Variants in STK32A observed in about 807,000 individuals in gnomAD.
STK32A encodes serine/threonine kinase 32A.
STK32A carries 41 observed loss-of-function variants against 53.2 expected under a neutral mutation model. That is an observed-to-expected ratio of 0.77 (90% CI 0.60 to 1.00). STK32A has a LOEUF of 1.00. Ranked by LOEUF, STK32A falls within the 50% of genes least tolerant of loss-of-function variation. STK32A has a pLI of 0.00. For synonymous variants in STK32A, 166 were observed against 162.8 expected (o/e 1.02, Z -0.15); for missense variants, 458 against 485.8 (o/e 0.94, Z 0.54).
intron 8 of STK32A, among the ~76,000 whole-genome samples, chr5:147,366,119 T>C (rs940931061): frequency 1.3e-5 from 2 of 152,084 alleles, no homozygotes; most frequent in African/African-American, 4.8e-5. Flanking sequence ...AAACTTCAGA[T>C]GTCTTAGCTT....
Position 147,384,039 on chromosome 5 carries a change from T to C in STK32A, c.*56T>C, listed in dbSNP as rs181166591. The C allele has an allele frequency of 2.9e-5, 46 of 1,559,444 alleles. No individual in the cohort carries two copies. Among genetic ancestry groups the C allele is most frequent in the Non-Finnish European group, 4.0e-5 (46 of 1,160,212 alleles). On this transcript the variant is annotated 3_prime_UTR_variant, in exon 13 of 13. Transcript: ENST00000397936. ...CATGCCAGAAACTTCTAATTACATA[T>C]GTCAAGAAAAGCTGACAGTAGTTCT...
At chr5:147,313,216 CAGAG>C (rs892750670) in intron 4 of STK32A, among the ~76,000 whole-genome samples, 1 of 152,102 alleles carries the variant, frequency 6.6e-6, no homozygotes, top group Non-Finnish European at 1.5e-5. Context: ...GCCTGTGCTA[CAGAG>C]AGAGACTCCG....
At chr5:147,349,779 G>A (rs1443904364) in intron 6 of STK32A, among the ~76,000 whole-genome samples, 1 of 152,048 alleles carries the variant, frequency 6.6e-6, no homozygotes, top group Non-Finnish European at 1.5e-5. Flanking sequence ...CAGGCCTCCT[G>A]GCTCCCAGTC....
chr5:147,303,803 G>A (rs1324486307), intron 4 of STK32A, among the ~76,000 whole-genome samples: 2 of 152,146 alleles, frequency 1.3e-5, no homozygotes, highest in Non-Finnish European at 2.9e-5. Context: ...TGATGAACTT[G>A]CAAAAGTAGA....
chr5:147,360,039 A>G (rs1242795840), intron 7 of STK32A, among the ~76,000 whole-genome samples: 1 of 152,146 alleles, frequency 6.6e-6, no homozygotes, highest in African/African-American at 2.4e-5. Flanking sequence ...TAGGTCAATT[A>G]TTATGAATGT....
chr5:147,265,149 T>G (rs1319951560), intron 2 of STK32A, among the ~76,000 whole-genome samples: 1 of 148,740 alleles, frequency 6.7e-6, no homozygotes. Context: ...TTTTTATATA[T>G]ATTTATATAT....
chr5:147,278,367 A>G (rs887588455), intron 3 of STK32A, among the ~76,000 whole-genome samples, 188 bp downstream of exon 3: 1 of 152,240 alleles, frequency 6.6e-6, no homozygotes. Flanking sequence ...AGGCAGCTAC[A>G]TAATGAACAT....
intron 5 of STK32A, among the ~76,000 whole-genome samples, chr5:147,340,002 T>G (rs1036981293): frequency 6.6e-6 from 1 of 152,230 alleles, no homozygotes; most frequent in Non-Finnish European, 1.5e-5. Context: ...TTCCCAGAAC[T>G]GAGGGTTCCT....
intron 2 of STK32A, among the ~76,000 whole-genome samples, chr5:147,260,097 GTCTCTGTCTCC>G (rs1290199714): frequency 3.8e-5 from 4 of 104,266 alleles, no homozygotes; most frequent in Non-Finnish European, 7.5e-5. Flanking sequence ...CTCTGTCTCT[GTCTCTGTCTCC>G]TCTCTGTCCC....
the STK32A span, chr5:147,393,181 G>A: frequency 2.0e-5 from 3 of 152,340 alleles, no homozygotes; most frequent in East Asian, 5.8e-4. Context: ...CTCACCACGT[G>A]GGCCTGTGCT....
At position 147,325,038 on chromosome 5, in the gene STK32A, C is replaced by T. The variant is rs141222457; in HGVS notation, c.434+967C>T. ...CCAAGGACAAACAGCTAACAAATAG[C>T]GTAGCCAGGATTTAAACCTAGATCT... On this transcript the variant is annotated intron_variant, in intron 5 of 12. Coordinates refer to ENST00000397936, the MANE Select transcript of STK32A (RefSeq NM_001112724.2). Among the ~76,000 whole-genome samples, 425 of 152,210 alleles carry T rather than the reference C, an allele frequency of 2.8e-3. 3 individuals are homozygous for T. Among genetic ancestry groups the T allele is most frequent in the African/African-American group, 9.5e-3 (395 of 41,534 alleles).
At chr5:147,308,120 A>C (rs182662630) in intron 4 of STK32A, among the ~76,000 whole-genome samples, 1,677 of 145,750 alleles carry the variant, frequency 0.012, 18 homozygotes, top group Non-Finnish European at 0.018. Flanking sequence ...AAAATATCAA[A>C]TTTCCAATTC....
intron 7 of STK32A, among the ~76,000 whole-genome samples, chr5:147,357,364 G>A (rs1756296548): frequency 6.6e-6 from 1 of 152,008 alleles, no homozygotes; most frequent in African/African-American, 2.4e-5. Flanking sequence ...TATTACCACA[G>A]TATTTCTTTG....
At chr5:147,278,003 T>G (rs1751847831) in intron 2 of STK32A, 121 bp from the exon 3 acceptor site, 1 of 800,300 alleles carries the variant, frequency 1.2e-6, no homozygotes, top group Non-Finnish European at 2.0e-6. Context: ...ATTGGCATTT[T>G]AAGGTAGTCT....
chr5:147,376,962 T>G lies in STK32A; in HGVS notation c.1032+1744T>G, dbSNP rs190968746. Among the ~76,000 whole-genome samples, 103 of 152,250 alleles carry G rather than the reference T, an allele frequency of 6.8e-4. 1 individual carries two copies. Among genetic ancestry groups the G allele is most frequent in the African/African-American group, 2.4e-3 (100 of 41,552 alleles). ...ACAAAGACATCACAAAAAATGATAA[T>G]TACAAACTGACATCTGTTATGAATA... On this transcript the variant is annotated intron_variant, in intron 11 of 12. Transcript: ENST00000397936.
At chr5:147,338,648 A>T (rs1755257363) in intron 5 of STK32A, among the ~76,000 whole-genome samples, 1 of 152,202 alleles carries the variant, frequency 6.6e-6, no homozygotes, top group Admixed American at 6.5e-5. Context: ...GCTGATAGTG[A>T]TATGAATGAA....
intron 12 of STK32A, 50 bp from the exon 13 acceptor site, chr5:147,383,840 A>G: frequency 1.5e-6 from 2 of 1,344,706 alleles, no homozygotes; most frequent in Non-Finnish European, 1.0e-6. Context: ...TAAACCTTTC[A>G]TTTTATTTTT....
At chr5:147,361,828 A>G (rs1001289333) in intron 8 of STK32A, among the ~76,000 whole-genome samples, 3 of 152,240 alleles carry the variant, frequency 2.0e-5, no homozygotes, top group African/African-American at 7.2e-5. Context: ...TAAATTACAC[A>G]GTTAAAAGTA....
chr5:147,371,236 C>T lies in STK32A; in HGVS notation c.777+466C>T, dbSNP rs145753463. ...CGGGTTTGTCCACATACACTTTTAC[C>T]ACTCCATTCTATTCCCCATGCAGCC... On this transcript the variant is annotated intron_variant, in intron 9 of 12. Transcript: ENST00000397936. Among the ~76,000 whole-genome samples, 865 of 152,208 alleles carry T rather than the reference C, an allele frequency of 5.7e-3. 25 individuals carry two copies. Among genetic ancestry groups the T allele is most frequent in the Admixed American group, 0.048 (732 of 15,274 alleles).
Sources: allele counts gnomAD v4.1 joint callset (sites outside exome capture counted in the v4.1 genomes callset), GRCh38; gene constraint gnomAD v4.1.1; transcripts MANE v1.5; gene names NCBI Gene and HGNC (gene_info 2026-07-23, HGNC 2026-07-21).